The following METTL5 variants were observed in gnomAD, a reference collection of about 807,000 sequenced individuals.
METTL5 encodes rRNA N(6)-adenosine-methyltransferase METTL5.
METTL5 carries 28 observed loss-of-function variants against 26.5 expected under a neutral mutation model. That is an observed-to-expected ratio of 1.06 (90% CI 0.78 to 1.45). METTL5 has a LOEUF of 1.45. METTL5 is among the 40% of genes most tolerant of loss of function. The pLI, the probability that METTL5 is intolerant of heterozygous loss-of-function variation, is 0.00. For synonymous variants in METTL5, 86 were observed against 82.6 expected (o/e 1.04, Z -0.22); for missense variants, 231 against 249.9 (o/e 0.92, Z 0.51).
At chr2:169,815,928 G>A (rs2081499911) in intron 4 of METTL5, among the ~76,000 whole-genome samples, 1 of 152,110 alleles carries the variant, frequency 6.6e-6, no homozygotes, top group South Asian at 2.1e-4. Context: ...TAGATCAAAA[G>A]AATACCATTG....
intron 6 of METTL5, 53 bp downstream of exon 6, chr2:169,812,404 C>A: frequency 6.2e-7 from 1 of 1,613,342 alleles, no homozygotes; most frequent in Non-Finnish European, 8.5e-7. Flanking sequence ...CCACATCCGG[C>A]CCAGAAAGCT....
chr2:169,821,345 G>GCT (rs1553484088), intron 2 of METTL5, 72 bp from the exon 3 acceptor site: 6 of 836,736 alleles, frequency 7.2e-6, no homozygotes, highest in African/African-American at 1.7e-5. Context: ...AAAATTAGCT[G>GCT]TTTTTTTTTT....
At chr2:169,824,378 A>G (rs1466684644) in intron 1 of METTL5, 111 bp downstream of exon 1, 3 of 867,096 alleles carry the variant, frequency 3.5e-6, no homozygotes, top group Non-Finnish European at 3.8e-6. Context: ...AGGTGATCTT[A>G]GGGCAGAATT....
At chr2:169,812,161 T>C in intron 6 of METTL5, 2 of 554,418 alleles carry the variant, frequency 3.6e-6, no homozygotes, top group Non-Finnish European at 6.2e-6. Context: ...AGGCCATTTA[T>C]GGTGTCTCCT....
At chr2:169,814,469 A>AAAAAAAAAAAAAAAG in intron 5 of METTL5, among the ~76,000 whole-genome samples, 1 of 35,684 alleles carries the variant, frequency 2.8e-5, no homozygotes, top group Non-Finnish European at 6.0e-5. Flanking sequence ...GCTTTGTCTC[A>AAAAAAAAAAAAAAAG]AAAAAAAAAA....
chr2:169,822,682 C>T (rs1453847249), intron 1 of METTL5, among the ~76,000 whole-genome samples: 4 of 151,482 alleles, frequency 2.6e-5, no homozygotes, highest in East Asian at 1.9e-4. Flanking sequence ...CCTCCCGCCC[C>T]GGCTTTCCAA....
chr2:169,819,579 G>A lies in METTL5; in HGVS notation c.471C>T (p.His157=). The change falls in exon 4 of 7, where the codon CAC becomes CAT. Residue 157 remains histidine (H), a synonymous_variant. Transcript: ENST00000260953. Reference sequence around the variant, plus strand: ...AACTTACTTCTCTAGTTGAGGATTTGTGTAAGGAATATACTGCTGTTCTTG... The same window carrying A: ...AACTTACTTCTCTAGTTGAGGATTTATGTAAGGAATATACTGCTGTTCTTG... ...EMARTAVYSL[H]KSSTREHVQK... 6.2e-7 allele frequency: 1 copy of A among 1,611,750 alleles called. No homozygotes were observed. Among genetic ancestry groups the A allele is most frequent in the African/African-American group, 1.3e-5 (1 of 74,964 alleles).
chr2:169,823,046 C>A (rs536996890), intron 1 of METTL5, among the ~76,000 whole-genome samples: 1 of 152,046 alleles, frequency 6.6e-6, no homozygotes, highest in Non-Finnish European at 1.5e-5. Context: ...GGTGCAGTGG[C>A]GGATCAGAGC....
intron 5 of METTL5, among the ~76,000 whole-genome samples, chr2:169,814,637 C>T (rs553140016): frequency 4.7e-5 from 7 of 148,544 alleles, no homozygotes; most frequent in Non-Finnish European, 8.9e-5. Flanking sequence ...AGCAGTGGCG[C>T]GATCTCAGCT....
intron 4 of METTL5, 68 bp downstream of exon 4, chr2:169,819,493 C>A: frequency 8.0e-7 from 1 of 1,252,518 alleles, no homozygotes; most frequent in Admixed American, 1.8e-5. Flanking sequence ...GTATTCACAG[C>A]AAATCCTAAA....
intron 5 of METTL5, among the ~76,000 whole-genome samples, chr2:169,813,821 G>A (rs1168503478): frequency 6.6e-6 from 1 of 151,998 alleles, no homozygotes; most frequent in Non-Finnish European, 1.5e-5. Flanking sequence ...AGCCAAGATC[G>A]TGCTGCTGCA....
chr2:169,813,001 G>A (rs1690025095), intron 5 of METTL5: 1 of 152,456 alleles, frequency 6.6e-6, no homozygotes, highest in African/African-American at 2.4e-5. Context: ...CTATTTTAGA[G>A]GGATGGCAGT....
chr2:169,811,931 ATTG>A (rs1689973214), intron 6 of METTL5, 73 bp from the exon 7 acceptor site: 2 of 1,506,358 alleles, frequency 1.3e-6, no homozygotes, highest in Admixed American at 1.8e-5. Context: ...CTTTGAATGT[ATTG>A]TTCTGTTTGT....
Position 169,815,510 on chromosome 2 carries a change from C to T in METTL5, c.508G>A (p.Ala170Thr), listed in dbSNP as rs2081493197. 6.2e-7 allele frequency: 1 copy of T among 1,602,628 alleles called. No homozygotes were observed. Among genetic ancestry groups the T allele is most frequent in the African/African-American group, 1.3e-5 (1 of 74,670 alleles). ...ATATCTATCTTGATTTTCCATTCTGCAGCTTTCTTTTGAACATGCTGAACA... is the reference window on the plus strand; with the variant it reads ...ATATCTATCTTGATTTTCCATTCTGTAGCTTTCTTTTGAACATGCTGAACA... Reference protein sequence around the residue: ...STREHVQKKAAEWKIKIDIIA... With the variant: ...STREHVQKKATEWKIKIDIIA... Residue 170 changes from alanine to threonine, a missense_variant, in exon 5 of 7, where the codon GCA (alanine) becomes ACA (threonine). Coordinates refer to ENST00000260953, the MANE Select transcript of METTL5 (RefSeq NM_014168.4).
At chr2:169,815,358 A>G (rs2081488719) in intron 5 of METTL5, 119 bp downstream of exon 5, 2 of 666,016 alleles carry the variant, frequency 3.0e-6, no homozygotes, top group South Asian at 2.0e-5. Flanking sequence ...TCTATTACCA[A>G]TCATGCACAT....
chr2:169,824,862 A>G lies in METTL5; in HGVS notation c.-265T>C, dbSNP rs1180731083. 6.6e-6 allele frequency: 2 copies of G among 303,654 alleles called. No individual in the cohort carries two copies. The highest frequency in any genetic ancestry group is 2.2e-5 in the African/African-American group (1 of 45,410). 18.8% of individuals were successfully genotyped at this position (303,654 alleles called of 1,614,324 possible). A position where few individuals can be genotyped will look rare whatever the true frequency, so the allele number is the denominator to read the frequency against. ...CCTCAGGATCCCTCGCGCCACGACCACGCACCTCTGGAGGCGACCCGCACC... is the reference window on the plus strand; with the variant it reads ...CCTCAGGATCCCTCGCGCCACGACCGCGCACCTCTGGAGGCGACCCGCACC... On this transcript the variant is annotated 5_prime_UTR_variant, in exon 1 of 7. Coordinates refer to ENST00000260953, the MANE Select transcript of METTL5 (RefSeq NM_014168.4).
intron 6 of METTL5, 38 bp from the exon 7 acceptor site, chr2:169,811,896 T>C: frequency 1.2e-6 from 2 of 1,602,906 alleles, no homozygotes; most frequent in Non-Finnish European, 8.5e-7. Context: ...GTTTAACTTG[T>C]CTTTTTGTTA....
At chr2:169,813,150 C>T (rs1013342874) in intron 5 of METTL5, 8 of 142,380 alleles carry the variant, frequency 5.6e-5, no homozygotes, top group Admixed American at 5.1e-4. Flanking sequence ...TTTTTTAAGA[C>T]GGAGTCTCGC....
chr2:169,821,882 C>G, intron 2 of METTL5, 61 bp downstream of exon 2: 1 of 1,431,280 alleles, frequency 7.0e-7, no homozygotes, highest in Non-Finnish European at 9.8e-7. Flanking sequence ...TTCAGTTAAT[C>G]CCATTGATGC....
Sources: allele counts gnomAD v4.1 joint callset (sites outside exome capture counted in the v4.1 genomes callset), GRCh38; gene constraint gnomAD v4.1.1; transcripts MANE v1.5; gene names NCBI Gene and HGNC (gene_info 2026-07-23, HGNC 2026-07-21).